Variants in BTRC observed in about 807,000 individuals in gnomAD.
BTRC encodes F-box/WD repeat-containing protein 1A.
In BTRC, 42 loss-of-function variants were observed where a neutral mutation model predicts 85.5. The ratio of observed to expected loss-of-function variants is 0.49; its 90% CI spans 0.38 to 0.64. The LOEUF (loss-of-function observed/expected upper bound fraction) is 0.64. Among genes scored for constraint, BTRC ranks in the 30% least tolerant of loss-of-function variants. The pLI is 0.00. For missense variants in BTRC, 594 were observed against 743.5 expected, an observed-to-expected ratio of 0.80 and a Z score of 2.34; for synonymous variants, 255 against 263.3, an observed-to-expected ratio of 0.97 and a Z score of 0.30.
In BTRC at chr10:101,416,007, C is replaced by T. The variant is rs1344295792; in HGVS notation, c.49-14338C>T. ...CTATAGTCTAGGCGTGTGGTAGTAC[C>T]TTCTAGATTTGTGTAAGTACACTGT... On this transcript the variant is annotated intron_variant, in intron 1 of 14. Transcript: ENST00000370187. Among the ~76,000 whole-genome samples the T allele has an allele frequency of 5.9e-5, 9 of 152,192 alleles. No individual in the cohort carries two copies. The East Asian group carries it at 1.7e-3, about 29-fold the overall frequency.
chr10:101,416,280 T>G (rs1320312253), intron 1 of BTRC, among the ~76,000 whole-genome samples: 1 of 152,248 alleles, frequency 6.6e-6, no homozygotes, highest in East Asian at 1.9e-4. Context: ...TGAATCTGTC[T>G]ACTTTATTGT....
intron 4 of BTRC, among the ~76,000 whole-genome samples, chr10:101,508,178 T>C (rs1227840743): frequency 6.6e-6 from 1 of 152,196 alleles, no homozygotes; most frequent in East Asian, 1.9e-4. Context: ...ACTTTTCCTA[T>C]AGTTAGTAAA....
intron 5 of BTRC, among the ~76,000 whole-genome samples, chr10:101,522,360 AAAAAAAC>A (rs1471375896): frequency 1.3e-4 from 9 of 69,644 alleles, no homozygotes; most frequent in Non-Finnish European, 2.3e-4. Flanking sequence ...TTTAAAAAAA[AAAAAAAC>A]AAAAAAAAAC....
At chr10:101,456,139 A>G (rs1945076176) in intron 2 of BTRC, among the ~76,000 whole-genome samples, 1 of 151,518 alleles carries the variant, frequency 6.6e-6, no homozygotes, top group East Asian at 1.9e-4. Flanking sequence ...ACTGTCCTCC[A>G]GCCTGGGTGA....
Position 101,462,009 on chromosome 10 carries a change from A to C in BTRC, c.185A>C (p.Asn62Thr). ...QNSSEREDCNNGEPPRKIIPE... is the reference protein window; with the variant it reads ...QNSSEREDCNTGEPPRKIIPE... The stretch of plus-strand genomic sequence containing the variant: ...TCCTCAGAGAGAGAAGACTGTAATA[A>C]TGGCGAACCCCCTAGGAAGATAATA... Residue 62 changes from asparagine (N) to threonine (T), a missense_variant, in exon 3 of 15, where the codon AAT (asparagine) becomes ACT (threonine). Physicochemically the swap from Asn to Thr is moderately conservative, Grantham distance 65 (BLOSUM62 0). Around this residue, in one of 4 missense-constraint regions of BTRC, gnomAD observed 163 missense variants for 180.5 expected, o/e 0.90. Transcript: ENST00000370187. 2 of 1,612,368 alleles carry C rather than the reference A, an allele frequency of 1.2e-6. No individual in the cohort carries two copies. Among genetic ancestry groups the C allele is most frequent in the South Asian group, 2.2e-5 (2 of 90,998 alleles).
At chr10:101,415,922 A>G (rs2134038408) in intron 1 of BTRC, among the ~76,000 whole-genome samples, 1 of 152,256 alleles carries the variant, frequency 6.6e-6, no homozygotes, top group East Asian at 1.9e-4. Context: ...GCAGTTGCCT[A>G]CAGTATTCGG....
intron 5 of BTRC, among the ~76,000 whole-genome samples, chr10:101,522,352 T>TTAAAA (rs2062121305): frequency 4.8e-5 from 2 of 42,060 alleles, no homozygotes; most frequent in Non-Finnish European, 1.0e-4. Context: ...TATAAAGCTT[T>TTAAAA]AAAAAAAAAA....
At chr10:101,532,242 G>A (rs1168747969) in intron 7 of BTRC, 53 bp from the exon 8 acceptor site, 2 of 1,551,156 alleles carry the variant, frequency 1.3e-6, no homozygotes, top group African/African-American at 1.4e-5. Context: ...CCTAAAAAGA[G>A]TTTGATTCTA....
chr10:101,542,636 C>A (rs2062485566), intron 13 of BTRC, among the ~76,000 whole-genome samples: 1 of 151,850 alleles, frequency 6.6e-6, no homozygotes, highest in Non-Finnish European at 1.5e-5. Flanking sequence ...CAGTGGCACA[C>A]CCATGACTCA....
chr10:101,465,697 A>G (rs1945354873), intron 3 of BTRC, among the ~76,000 whole-genome samples: 1 of 152,192 alleles, frequency 6.6e-6, no homozygotes, highest in Admixed American at 6.5e-5. Flanking sequence ...AAAACCCGAC[A>G]AAGATATTAC....
chr10:101,381,128 A>G (rs1206157287), intron 1 of BTRC, among the ~76,000 whole-genome samples: 1 of 124,854 alleles, frequency 8.0e-6, no homozygotes, highest in African/African-American at 2.6e-5. Flanking sequence ...GGGTGGTGAT[A>G]ATAATAACAA....
In BTRC at chr10:101,516,914, A is replaced by T. The variant is rs2062032364; in HGVS notation, c.325-4725A>T. Among the ~76,000 whole-genome samples, 4 of 152,204 alleles carry T rather than the reference A, an allele frequency of 2.6e-5. No individual in the cohort carries two copies. In the South Asian group the frequency reaches 8.3e-4, roughly 32 times the overall value. ...ACTCATGTCCATTTCCACCTTTTAAAAGACAAAGGGTGCATTTTAAAAGGC... is the reference window on the plus strand; with the variant it reads ...ACTCATGTCCATTTCCACCTTTTAATAGACAAAGGGTGCATTTTAAAAGGC... On this transcript the variant is annotated intron_variant, in intron 4 of 14. Coordinates refer to ENST00000370187, the MANE Select transcript of BTRC (RefSeq NM_033637.4).
chr10:101,483,156 G>C (rs1326338770), intron 4 of BTRC, among the ~76,000 whole-genome samples: 3 of 152,088 alleles, frequency 2.0e-5, no homozygotes, highest in Non-Finnish European at 4.4e-5. Context: ...AAATATCATA[G>C]TCTTATGATA....
chr10:101,488,968 C>T (rs1946060241), intron 4 of BTRC, among the ~76,000 whole-genome samples: 4 of 152,064 alleles, frequency 2.6e-5, no homozygotes, highest in African/African-American at 9.7e-5. Context: ...TCTAGGCTTT[C>T]AGTGCTAAGA....
chr10:101,411,995 G>A (rs1047259301), intron 1 of BTRC, among the ~76,000 whole-genome samples: 14 of 152,178 alleles, frequency 9.2e-5, no homozygotes, highest in African/African-American at 3.4e-4. Context: ...CAACTGAGAT[G>A]TGAGCTTTCT....
intron 2 of BTRC, among the ~76,000 whole-genome samples, chr10:101,441,268 T>C (rs1186424270): frequency 6.6e-6 from 1 of 152,256 alleles, no homozygotes; most frequent in African/African-American, 2.4e-5. Context: ...TTTCTTCTTA[T>C]GTATTATGCA....
At chr10:101,448,904 A>C (rs1024663326) in intron 2 of BTRC, among the ~76,000 whole-genome samples, 8 of 152,052 alleles carry the variant, frequency 5.3e-5, no homozygotes, top group Non-Finnish European at 1.2e-4. Flanking sequence ...GGAACCAAAA[A>C]TTTATAGAAA....
At position 101,555,416 on chromosome 10, in the gene BTRC, G is replaced by A. The variant is rs2062712315; in HGVS notation, c.*2293G>A. On this transcript the variant is annotated 3_prime_UTR_variant, in exon 15 of 15. Coordinates refer to ENST00000370187, the MANE Select transcript of BTRC (RefSeq NM_033637.4). ...TGTCCAGTACATCACAAAGGAGATC[G>A]GGGCGACCCCTGCAGATGTGGAGCC... is the stretch of plus-strand genomic sequence containing the variant. 1 of 152,602 alleles carries A rather than the reference G, an allele frequency of 6.6e-6. No homozygotes were observed. The allele number at this position is 152,602 out of a possible 1,614,324, so 9.5% of individuals were successfully genotyped here. A position where few individuals can be genotyped will look rare whatever the true frequency, so the allele number is the denominator to read the frequency against.
At chr10:101,393,234 C>G (rs1185337167) in intron 1 of BTRC, among the ~76,000 whole-genome samples, 1 of 152,162 alleles carries the variant, frequency 6.6e-6, no homozygotes, top group African/African-American at 2.4e-5. Context: ...ATACCTTGTT[C>G]TATGGGTCTC....
Sources: gnomAD v4.1 joint callset for allele counts (sites outside exome capture counted in the v4.1 genomes callset) on GRCh38, gnomAD v4.1.1 for gene constraint, gnomAD v4.1.1 regional missense constraint, MANE v1.5 for transcripts, NCBI Gene and HGNC (gene_info 2026-07-23, HGNC 2026-07-21) for gene names.